Variants in RBMS2 observed in about 807,000 individuals in gnomAD.
RBMS2 encodes the protein RNA binding motif single stranded interacting protein 2.
In RBMS2, 38 loss-of-function variants were observed where a neutral mutation model predicts 58.4. The ratio of observed to expected loss-of-function variants is 0.65; its 90% CI spans 0.50 to 0.85. The LOEUF (loss-of-function observed/expected upper bound fraction) is 0.85. Among genes scored for constraint, RBMS2 ranks in the 40% least tolerant of loss-of-function variants. RBMS2 has a pLI of 0.00. For missense variants in RBMS2, 367 were observed against 503.7 expected (o/e 0.73, Z 2.60); for synonymous variants, 151 against 180.7 (o/e 0.84, Z 1.32).
At chr12:56,565,856 C>G (rs1881258388) in intron 2 of RBMS2, among the ~76,000 whole-genome samples, 1 of 152,082 alleles carries the variant, frequency 6.6e-6, no homozygotes. Flanking sequence ...ACTCCTGTTT[C>G]TCGGAGGGGC....
At position 56,558,780 on chromosome 12, in the gene RBMS2, T is replaced by A. The variant is rs558561361; in HGVS notation, c.67-3637T>A. Among the ~76,000 whole-genome samples, 241 of 144,458 alleles carry A rather than the reference T, an allele frequency of 1.7e-3. 10 individuals are homozygous for A. In the South Asian group the frequency reaches 0.05, roughly 30 times the overall value. 94.8% of individuals were successfully genotyped at this position (144,458 alleles called of 152,430 possible). On this transcript the variant is annotated intron_variant, in intron 1 of 13. Transcript: ENST00000262031. ...ACACCTAATTTTTGCATTTTTTTTT[T>A]ATAGATGTGGGGTTTCACCAGGTTG...
intron 1 of RBMS2, among the ~76,000 whole-genome samples, chr12:56,536,285 C>A (rs7132965): frequency 1.3e-5 from 2 of 150,038 alleles, no homozygotes; most frequent in African/African-American, 4.9e-5. Flanking sequence ...GAGTTCTGCC[C>A]GGCTAATTTT....
intron 2 of RBMS2, among the ~76,000 whole-genome samples, chr12:56,567,454 A>AAAGAAGAAGAAGG (rs1250564125): frequency 1.5e-4 from 23 of 151,826 alleles, no homozygotes; most frequent in Non-Finnish European, 5.9e-5. Context: ...GAAGAAGAAG[A>AAAGAAGAAGAAGG]AAGAAGAAGA....
intron 1 of RBMS2, among the ~76,000 whole-genome samples, chr12:56,525,949 C>T (rs908710351): frequency 8.6e-5 from 13 of 151,980 alleles, no homozygotes; most frequent in African/African-American, 2.9e-4. Flanking sequence ...AGGCGTGAGC[C>T]ACCACGCCCT....
At chr12:56,584,523 C>T (rs1048626108) in intron 9 of RBMS2, among the ~76,000 whole-genome samples, 7 of 151,644 alleles carry the variant, frequency 4.6e-5, no homozygotes, top group Non-Finnish European at 8.8e-5. Flanking sequence ...CGGTGGCTCA[C>T]GCCTATAATC....
chr12:56,564,257 G>T (rs912127712), intron 2 of RBMS2, among the ~76,000 whole-genome samples: 3 of 151,856 alleles, frequency 2.0e-5, no homozygotes, highest in African/African-American at 7.3e-5. Context: ...GCTCAGAGAA[G>T]AATCTTGATT....
At position 56,594,687 on chromosome 12, in the gene RBMS2, C is replaced by G; in HGVS notation, c.*5554C>G. The G allele has an allele frequency of 6.6e-6, 1 of 152,156 alleles. No individual in the cohort carries two copies. Among genetic ancestry groups the G allele is most frequent in the East Asian group, 1.9e-4 (1 of 5,192 alleles). The allele number at this position is 152,156 out of a possible 1,614,324, so 9.4% of individuals were successfully genotyped here. On this transcript the variant is annotated 3_prime_UTR_variant, in exon 14 of 14. Coordinates refer to ENST00000262031, the MANE Select transcript of RBMS2 (RefSeq NM_002898.4). ...GTCTCCGTTCTGATTTTTGCTGCAC[C>G]TCCCAGGGGACAGTCCCCACATGAT...
At chr12:56,546,399 T>C (rs1472872174) in intron 1 of RBMS2, among the ~76,000 whole-genome samples, 2 of 144,968 alleles carry the variant, frequency 1.4e-5, no homozygotes, top group African/African-American at 5.1e-5. Context: ...TAATGTATAA[T>C]ATATTGTACA....
chr12:56,574,622 G>A (rs1306307699), intron 5 of RBMS2, among the ~76,000 whole-genome samples: 1 of 152,138 alleles, frequency 6.6e-6, no homozygotes, highest in Non-Finnish European at 1.5e-5. Flanking sequence ...GTGCCTGAGA[G>A]CACAGTTTAG....
chr12:56,567,606 G>A (rs895830973), intron 2 of RBMS2, among the ~76,000 whole-genome samples: 2 of 152,160 alleles, frequency 1.3e-5, no homozygotes, highest in African/African-American at 2.4e-5. Context: ...GGAGGCCAAG[G>A]CAGCAGGACT....
chr12:56,595,824 C>T lies in RBMS2; in HGVS notation c.*6691C>T, dbSNP rs144260932. ...ACACAGAGGGTATGGAACAGGAGCC[C>T]CTGTTGTTCCCTTGCCTGTGGTCTC... On this transcript the variant is annotated 3_prime_UTR_variant, in exon 14 of 14. Transcript: ENST00000262031. 0.011 allele frequency: 1,660 copies of T among 152,608 alleles called. 19 individuals are homozygous for T. The highest frequency in any genetic ancestry group is 0.048 in the Middle Eastern group (14 of 294). The allele number at this position is 152,608 out of a possible 1,614,324, so 9.5% of individuals were successfully genotyped here.
At chr12:56,550,500 AC>A (rs1003898960) in intron 1 of RBMS2, among the ~76,000 whole-genome samples, 19 of 151,836 alleles carry the variant, frequency 1.3e-4, no homozygotes, top group Admixed American at 2.0e-4. Context: ...ATTACATTCC[AC>A]CCTGCCTGGG....
chr12:56,587,822 A>G (rs530606315), intron 11 of RBMS2, 158 bp downstream of exon 11: 3 of 740,576 alleles, frequency 4.1e-6, no homozygotes, highest in South Asian at 1.2e-4. Flanking sequence ...GTAGTGCTCC[A>G]TGAGCCAGGA....
At chr12:56,533,461 G>A (rs2136265871) in intron 1 of RBMS2, among the ~76,000 whole-genome samples, 1 of 124,336 alleles carries the variant, frequency 8.0e-6, no homozygotes, top group East Asian at 2.5e-4. Flanking sequence ...TGTCACCCAG[G>A]CTGGAGTGTA....
At chr12:56,520,632 GAGGTA>G (rs536510876), upstream of RBMS2, among the ~76,000 whole-genome samples, 34 of 152,268 alleles carry the variant, frequency 2.2e-4, 1 homozygote, top group African/African-American at 7.9e-4. Flanking sequence ...GAAACTAGTA[GAGGTA>G]AGTGTTGCAA....
chr12:56,561,271 G>A (rs1312867102), intron 1 of RBMS2, among the ~76,000 whole-genome samples: 1 of 152,060 alleles, frequency 6.6e-6, no homozygotes, highest in Non-Finnish European at 1.5e-5. Flanking sequence ...ATTCCTTTGG[G>A]TATATACACA....
intron 1 of RBMS2, among the ~76,000 whole-genome samples, chr12:56,528,425 A>G (rs1298547461): frequency 6.6e-6 from 1 of 152,138 alleles, no homozygotes; most frequent in Non-Finnish European, 1.5e-5. Context: ...GAAAACAAGT[A>G]AGGAAGTATA....
rs375074621 is a variant in RBMS2 at position 56,539,610 on chromosome 12, CTTG to C, written c.66+17524_66+17526del. On this transcript the variant is annotated intron_variant, in intron 1 of 13. Transcript: ENST00000262031. ...TGTTTTCCCTGGAGTTAATAATTAC[CTTG>C]TTTTCTTAGTTTTATTTTATATAAT... The C allele has an allele frequency of 3.9e-4, 162 of 410,586 alleles. 1 individual carries two copies. Among genetic ancestry groups the C allele is most frequent in the African/African-American group, 2.2e-3 (105 of 47,130 alleles). 25.4% of individuals were successfully genotyped at this position (410,586 alleles called of 1,614,324 possible). A position where few individuals can be genotyped will look rare whatever the true frequency, so the allele number is the denominator to read the frequency against.
Position 56,586,908 on chromosome 12 carries a change from A to AT in RBMS2, c.934dup (p.Tyr312LeufsTer140), listed in dbSNP as rs775993039. 2.5e-6 allele frequency: 4 copies of AT among 1,613,442 alleles called. No homozygotes were observed. The highest frequency in any genetic ancestry group is 3.4e-6 in the Non-Finnish European group (4 of 1,179,370). On this transcript the variant is annotated frameshift_variant, in exon 10 of 14. Coordinates refer to ENST00000262031, the MANE Select transcript of RBMS2 (RefSeq NM_002898.4). LOFTEE classifies it high-confidence loss of function. ...ACCCATCCTGGATGCACCACCATTC[A>AT]TACCTCATGCAGCCTTCAGTGAGTA...
Sources: gnomAD v4.1 joint callset for allele counts (sites outside exome capture counted in the v4.1 genomes callset) on GRCh38, gnomAD v4.1.1 for gene constraint, MANE v1.5 for transcripts, NCBI Gene and HGNC (gene_info 2026-07-23, HGNC 2026-07-21) for gene names.